The following SENP7 variants were observed in gnomAD, a reference collection of about 807,000 sequenced individuals.
SENP7 encodes SUMO specific peptidase 7.
A neutral mutation model predicts 141.2 loss-of-function variants in SENP7; 64 were observed. The observed-to-expected ratio is 0.45, with a 90% CI of 0.37 to 0.56. The LOEUF (loss-of-function observed/expected upper bound fraction) is 0.56, where lower values mean the gene tolerates loss of function less well. Among genes scored for constraint, SENP7 ranks in the 20% least tolerant of loss-of-function variants. The probability of loss-of-function intolerance (pLI) is 0.00; values close to 1 mark genes in which losing one functional copy is unlikely to be tolerated. For missense variants in SENP7, 1,025 were observed against 1,212.2 expected (o/e 0.85, Z 2.29); for synonymous variants, 382 against 426.4 (o/e 0.90, Z 1.28).
intron 3 of SENP7, among the ~76,000 whole-genome samples, chr3:101,463,374 T>TACAC (rs2063626277): frequency 1.2e-5 from 1 of 86,006 alleles, no homozygotes; most frequent in Admixed American, 1.2e-4. Context: ...AATATATATA[T>TACAC]ATATATATAT....
intron 13 of SENP7, among the ~76,000 whole-genome samples, chr3:101,345,021 G>C (rs1343900244): frequency 8.1e-6 from 1 of 123,020 alleles, no homozygotes; most frequent in Admixed American, 8.2e-5. Flanking sequence ...AAAAAAAGGA[G>C]AAGAAAGAAT....
At chr3:101,382,923 T>C (rs1257687526) in intron 6 of SENP7, among the ~76,000 whole-genome samples, 1 of 152,206 alleles carries the variant, frequency 6.6e-6, no homozygotes, top group East Asian at 1.9e-4. Context: ...TTACAATACA[T>C]ATTACAAAGA....
At chr3:101,431,582 G>A (rs1292445629) in intron 4 of SENP7, among the ~76,000 whole-genome samples, 5 of 141,518 alleles carry the variant, frequency 3.5e-5, no homozygotes, top group South Asian at 2.2e-4. Flanking sequence ...TCAAGAGATC[G>A]AGACCATCCT....
chr3:101,393,380 T>C (rs1380182115), intron 6 of SENP7, among the ~76,000 whole-genome samples: 1 of 152,148 alleles, frequency 6.6e-6, no homozygotes, highest in African/African-American at 2.4e-5. Flanking sequence ...ACCAATGAAA[T>C]CATTTTCAGA....
chr3:101,355,063 T>C (rs984861064), intron 11 of SENP7, among the ~76,000 whole-genome samples: 25 of 152,118 alleles, frequency 1.6e-4, no homozygotes, highest in Non-Finnish European at 2.2e-4. Context: ...CACTTTTTCA[T>C]AGGGTTGTTT....
At chr3:101,381,064 TA>T (rs1408777623) in intron 6 of SENP7, among the ~76,000 whole-genome samples, 3 of 152,202 alleles carry the variant, frequency 2.0e-5, no homozygotes, top group Admixed American at 6.5e-5. Context: ...CACAATTATA[TA>T]AAACTTAAAA....
chr3:101,459,199 C>G (rs770615132), intron 3 of SENP7, 147 bp from the exon 4 acceptor site: 7 of 445,548 alleles, frequency 1.6e-5, no homozygotes, highest in Non-Finnish European at 2.8e-5. Flanking sequence ...TATGGAATAT[C>G]TGGCTCTTTT....
At position 101,367,952 on chromosome 3, in the gene SENP7, C is replaced by T. The variant is rs775139309; in HGVS notation, c.856G>A (p.Val286Ile). The T allele has an allele frequency of 6.2e-7, 1 of 1,613,126 alleles. No individual in the cohort carries two copies. Among genetic ancestry groups the T allele is most frequent in the South Asian group, 1.1e-5 (1 of 91,002 alleles). Residue 286 changes from valine (V) to isoleucine (I), a missense_variant, in exon 8 of 24, where the codon GTT (valine) becomes ATT (isoleucine). By Grantham distance (29) the Val-to-Ile change is conservative (BLOSUM62 3). Coordinates refer to ENST00000394095, the MANE Select transcript of SENP7 (RefSeq NM_020654.5). ...TCCACTTTTGAATCAGAATATTTAA[C>T]ATCCTTGTTTCTGCTTTCCTGTTCG... ...HLEQESRNKD[V>I]KYSDSKVELT...
At chr3:101,469,830 CAAAAAAAAAAAAA>C (rs58498056) in intron 3 of SENP7, among the ~76,000 whole-genome samples, 1 of 24,730 alleles carries the variant, frequency 4.0e-5, no homozygotes, top group African/African-American at 1.5e-4. Context: ...GACTCCGTCT[CAAAAAAAAAAAAA>C]AAAAAAAAAG....
chr3:101,473,409 T>G (rs1243700550), intron 3 of SENP7, among the ~76,000 whole-genome samples: 1 of 152,066 alleles, frequency 6.6e-6, no homozygotes, highest in Non-Finnish European at 1.5e-5. Context: ...ACTTTTGGAG[T>G]TTTTAATAGT....
chr3:101,480,902 G>A (rs1424234948), intron 3 of SENP7, among the ~76,000 whole-genome samples: 3 of 151,076 alleles, frequency 2.0e-5, no homozygotes, highest in African/African-American at 7.3e-5. Context: ...CTAGGGAAAT[G>A]TAAATAAAAC....
intron 4 of SENP7, among the ~76,000 whole-genome samples, chr3:101,438,104 A>G (rs1450558083): frequency 2.0e-5 from 3 of 152,232 alleles, no homozygotes; most frequent in East Asian, 3.8e-4. Context: ...TTCTGGATAT[A>G]CACCCAAAAA....
At chr3:101,340,244 A>G (rs1266798126) in intron 15 of SENP7, 33 bp from the exon 16 acceptor site, 1 of 1,545,336 alleles carries the variant, frequency 6.5e-7, no homozygotes, top group East Asian at 2.4e-5. Context: ...ACATATACTG[A>G]TATTGAAAAT....
chr3:101,407,512 T>G (rs1223777438), intron 5 of SENP7, among the ~76,000 whole-genome samples: 1 of 152,112 alleles, frequency 6.6e-6, no homozygotes, highest in African/African-American at 2.4e-5. Context: ...TGGACCTTTC[T>G]CCAAGACAGA....
intron 6 of SENP7, among the ~76,000 whole-genome samples, chr3:101,384,346 G>A (rs2060591678): frequency 6.6e-6 from 1 of 152,238 alleles, no homozygotes; most frequent in Non-Finnish European, 1.5e-5. Flanking sequence ...CCACGTTGCG[G>A]GTGACTAGAA....
At chr3:101,336,418 A>G (rs565332945) in intron 17 of SENP7, among the ~76,000 whole-genome samples, 32 of 152,282 alleles carry the variant, frequency 2.1e-4, no homozygotes, top group Non-Finnish European at 4.0e-4. Flanking sequence ...TACAATAAAA[A>G]CTTTGGACTA....
At chr3:101,438,844 G>A in intron 4 of SENP7, among the ~76,000 whole-genome samples, 1 of 151,984 alleles carries the variant, frequency 6.6e-6, no homozygotes, top group Non-Finnish European at 1.5e-5. Context: ...GCGCCGCCCG[G>A]GAGGCAGCGG....
chr3:101,329,216 T>C (rs1011486815), intron 20 of SENP7, among the ~76,000 whole-genome samples: 2 of 152,328 alleles, frequency 1.3e-5, no homozygotes, highest in African/African-American at 4.8e-5. Flanking sequence ...TATTCTAACA[T>C]AAACACTGGC....
At chr3:101,394,395 C>CA (rs1393741286) in intron 6 of SENP7, among the ~76,000 whole-genome samples, 2 of 152,022 alleles carry the variant, frequency 1.3e-5, no homozygotes, top group South Asian at 2.1e-4. Flanking sequence ...AATAGTACTG[C>CA]AAAAAAACAT....
Sources: gnomAD v4.1 joint callset for allele counts (sites outside exome capture counted in the v4.1 genomes callset) on GRCh38, gnomAD v4.1.1 for gene constraint, MANE v1.5 for transcripts, NCBI Gene and HGNC (gene_info 2026-07-23, HGNC 2026-07-21) for gene names.